PLSCR4: variants seen among roughly 807,000 people sequenced by gnomAD.
PLSCR4 encodes Ca(2+)-dependent phospholipid scramblase 4.
Under a neutral mutation model 36.3 loss-of-function variants are expected in PLSCR4, and 25 were observed. The ratio of observed to expected loss-of-function variants is 0.69; its 90% confidence interval spans 0.50 to 0.96. PLSCR4 has a LOEUF of 0.96. PLSCR4 is among the 40% of genes least tolerant of loss of function. The probability of loss-of-function intolerance (pLI) is 0.00; values close to 1 mark genes in which losing one functional copy is unlikely to be tolerated. For synonymous variants in PLSCR4, 122 were observed against 132.9 expected (o/e 0.92, Z 0.56); for missense variants, 408 against 414.7 (o/e 0.98, Z 0.14).
chr3:146,199,306 A>G, intron 6 of PLSCR4, among the ~76,000 whole-genome samples: 1 of 152,140 alleles, frequency 6.6e-6, no homozygotes, highest in East Asian at 1.9e-4. Flanking sequence ...ACCACACTGT[A>G]ACTCAGCACA....
At chr3:146,197,523 AAG>A (rs1057426745) in intron 6 of PLSCR4, among the ~76,000 whole-genome samples, 18 of 152,184 alleles carry the variant, frequency 1.2e-4, no homozygotes, top group African/African-American at 4.3e-4. Flanking sequence ...GAAAACAAAA[AAG>A]AGGCATTTTG....
chr3:146,221,043 C>A (rs1349835597), intron 2 of PLSCR4, 118 bp from the exon 3 acceptor site: 4 of 572,908 alleles, frequency 7.0e-6, no homozygotes, highest in Non-Finnish European at 1.2e-5. Context: ...GGAAAATACA[C>A]TCCTATATTT....
rs181579591 is a variant in PLSCR4 at position 146,236,753 on chromosome 3, T to C, written c.-22+14207A>G. Among the ~76,000 whole-genome samples the C allele has an allele frequency of 3.3e-3, 508 of 152,204 alleles. 2 individuals are homozygous for C. Among genetic ancestry groups the C allele is most frequent in the Non-Finnish European group, 4.2e-3 (283 of 68,022 alleles). On this transcript the variant is annotated intron_variant, in intron 1 of 8. Transcript: ENST00000354952. ...AAATTGCCCCATCTCAGGTATGTCT[T>C]TATCAGCAGCGTGAAAATGGACTAA...
At chr3:146,196,843 C>A (rs761605863) in intron 6 of PLSCR4, 50 bp from the exon 7 acceptor site, 11 of 1,515,510 alleles carry the variant, frequency 7.3e-6, no homozygotes, top group Non-Finnish European at 1.0e-5. Flanking sequence ...CATACACATA[C>A]ACTTACACAT....
intron 1 of PLSCR4, among the ~76,000 whole-genome samples, chr3:146,229,285 T>A (rs2035600947): frequency 6.6e-6 from 1 of 152,086 alleles, no homozygotes; most frequent in Admixed American, 6.5e-5. Flanking sequence ...AGAATCATGA[T>A]GTGATTAGAG....
intron 3 of PLSCR4, among the ~76,000 whole-genome samples, chr3:146,212,014 TA>T: frequency 6.6e-6 from 1 of 152,228 alleles, no homozygotes; most frequent in Non-Finnish European, 1.5e-5. Flanking sequence ...CAAGATTGTT[TA>T]GGCTATTCTG....
At chr3:146,238,098 A>T (rs2035993035) in intron 1 of PLSCR4, among the ~76,000 whole-genome samples, 2 of 151,932 alleles carry the variant, frequency 1.3e-5, no homozygotes, top group Non-Finnish European at 2.9e-5. Flanking sequence ...GATGAAATGG[A>T]CAAATTCCTA....
chr3:146,236,993 G>A (rs1341279420), intron 1 of PLSCR4, among the ~76,000 whole-genome samples: 2 of 151,360 alleles, frequency 1.3e-5, no homozygotes, highest in Non-Finnish European at 2.9e-5. Flanking sequence ...AAATGTAAAT[G>A]GATTAAACAA....
At chr3:146,223,665 C>T (rs572016403) in intron 1 of PLSCR4, 12 of 152,118 alleles carry the variant, frequency 7.9e-5, no homozygotes, top group Non-Finnish European at 1.0e-4. Flanking sequence ...TATGCAGATT[C>T]CCAGCTGAAA....
chr3:146,208,278 C>A (rs138901946), intron 3 of PLSCR4, among the ~76,000 whole-genome samples: 2 of 152,164 alleles, frequency 1.3e-5, no homozygotes, highest in Non-Finnish European at 2.9e-5. Context: ...TAAAAATCAA[C>A]GCAAGATGGA....
At chr3:146,196,594 G>A (rs1390616141) in intron 7 of PLSCR4, 38 bp downstream of exon 7, 2 of 1,601,632 alleles carry the variant, frequency 1.2e-6, no homozygotes, top group East Asian at 2.2e-5. Context: ...AATATGAGTA[G>A]GAAAAATATC....
intron 4 of PLSCR4, 71 bp from the exon 5 acceptor site, chr3:146,201,148 A>G: frequency 1.1e-6 from 1 of 907,776 alleles, no homozygotes; most frequent in East Asian, 2.9e-5. Context: ...AAATAAACTG[A>G]TGAAATAGAT....
intron 4 of PLSCR4, among the ~76,000 whole-genome samples, chr3:146,202,402 C>G (rs2034095330): frequency 6.6e-6 from 1 of 152,022 alleles, no homozygotes; most frequent in Non-Finnish European, 1.5e-5. Flanking sequence ...ATGTAGTCTA[C>G]AGTGTGTGTA....
At chr3:146,203,217 A>G (rs1274138061) in intron 4 of PLSCR4, among the ~76,000 whole-genome samples, 1 of 152,010 alleles carries the variant, frequency 6.6e-6, no homozygotes, top group East Asian at 1.9e-4. Context: ...TTTTTTAACA[A>G]TAAGACTTGT....
At chr3:146,245,052 T>C (rs2036287340) in intron 1 of PLSCR4, among the ~76,000 whole-genome samples, 1 of 152,068 alleles carries the variant, frequency 6.6e-6, no homozygotes, top group South Asian at 2.1e-4. Flanking sequence ...GTTCAAGACT[T>C]CATTGGATGA....
At chr3:146,246,370 GA>G (rs886853866) in intron 1 of PLSCR4, among the ~76,000 whole-genome samples, 2 of 151,832 alleles carry the variant, frequency 1.3e-5, no homozygotes, top group Non-Finnish European at 2.9e-5. Context: ...TCCTTCAAAA[GA>G]AAAAGTGTAT....
intron 1 of PLSCR4, among the ~76,000 whole-genome samples, chr3:146,232,032 A>G (rs2035734314): frequency 6.6e-6 from 1 of 152,154 alleles, no homozygotes; most frequent in Admixed American, 6.5e-5. Flanking sequence ...TGATTTTTGT[A>G]TATGATGAAA....
chr3:146,246,265 A>T (rs145241554), intron 1 of PLSCR4, among the ~76,000 whole-genome samples: 1 of 152,222 alleles, frequency 6.6e-6, no homozygotes, highest in African/African-American at 2.4e-5. Flanking sequence ...GGAGTGATTA[A>T]TGTTCAACAA....
intron 1 of PLSCR4, among the ~76,000 whole-genome samples, chr3:146,239,099 T>G (rs536021601): frequency 7.8e-4 from 119 of 152,202 alleles, no homozygotes; most frequent in African/African-American, 2.5e-3. Context: ...TTAAAGAAGA[T>G]CTAAATAAAA....
Sources: gnomAD v4.1 joint callset for allele counts (sites outside exome capture counted in the v4.1 genomes callset) on GRCh38, gnomAD v4.1.1 for gene constraint, MANE v1.5 for transcripts, NCBI Gene and HGNC (gene_info 2026-07-23, HGNC 2026-07-21) for gene names.